WDR35: variants seen among roughly 807,000 people sequenced by gnomAD.
WDR35 encodes the protein WD repeat domain 35.
A neutral mutation model predicts 158.3 loss-of-function variants in WDR35; 118 were observed. The observed-to-expected ratio is 0.75, with a 90% CI of 0.64 to 0.87. The LOEUF is 0.87. Ranked by LOEUF, WDR35 falls within the 40% of genes least tolerant of loss-of-function variation. The pLI, the probability that WDR35 is intolerant of heterozygous loss-of-function variation, is 0.00. For synonymous variants in WDR35, 448 were observed against 476.1 expected, an observed-to-expected ratio of 0.94 and a Z score of 0.77; for missense variants, 1,263 against 1,405.8, an observed-to-expected ratio of 0.90 and a Z score of 1.62.
At chr2:19,920,644 G>T (rs879598980) in intron 25 of WDR35, among the ~76,000 whole-genome samples, 1 of 152,178 alleles carries the variant, frequency 6.6e-6, no homozygotes, top group Non-Finnish European at 1.5e-5. Context: ...GCATAACCTG[G>T]AAGCATTCCC....
Position 19,910,741 on chromosome 2 carries a change from T to C in WDR35, c.*2817A>G, listed in dbSNP as rs1669805699. ...AAGGGAGAGTTTGTTAGTGTTGTTA[T>C]CTGGAAATTTCCTTCATGTCGAATA... is the stretch of plus-strand genomic sequence containing the variant. On this transcript the variant is annotated 3_prime_UTR_variant, in exon 27 of 27. Coordinates refer to ENST00000281405, the MANE Select transcript of WDR35 (RefSeq NM_020779.4). 1 of 152,192 alleles carries C rather than the reference T, an allele frequency of 6.6e-6. No individual in the cohort carries two copies. Among genetic ancestry groups the C allele is most frequent in the Admixed American group, 6.5e-5 (1 of 15,276 alleles). The allele number at this position is 152,192 out of a possible 1,614,324, so 9.4% of individuals were successfully genotyped here.
chr2:19,914,239 C>G lies in WDR35; in HGVS notation c.3160G>C (p.Val1054Leu). The G allele has an allele frequency of 6.2e-7, 1 of 1,613,718 alleles. No individual in the cohort carries two copies. Among genetic ancestry groups the G allele is most frequent in the Non-Finnish European group, 8.5e-7 (1 of 1,179,876 alleles). Residue 1054 changes from valine (V) to leucine (L), a missense_variant, in exon 26 of 27, where the codon GTG becomes CTG. Coordinates refer to ENST00000281405, the MANE Select transcript of WDR35 (RefSeq NM_020779.4). ...AGTGCTAGCAGAGAGTAGATCTCCA[C>G]AGGAGGGATGATGTCTTCATAGTCT... Reference protein sequence around the residue: ...LKDYEDIIPPVEIYSLLALCA... With the variant: ...LKDYEDIIPPLEIYSLLALCA...
intron 2 of WDR35, among the ~76,000 whole-genome samples, chr2:19,986,350 G>A (rs1672565094): frequency 1.3e-5 from 2 of 152,136 alleles, no homozygotes; most frequent in Admixed American, 1.3e-4. Flanking sequence ...TACCACAGAT[G>A]GCATTTAAGG....
At chr2:19,954,077 T>A in intron 11 of WDR35, 99 bp from the exon 12 acceptor site, 2 of 1,331,328 alleles carry the variant, frequency 1.5e-6, no homozygotes, top group Non-Finnish European at 1.1e-6. Context: ...ACCCCTCATT[T>A]TATAGACAAT....
At chr2:19,985,899 GAAAAAAAAAAAAAAAA>G (rs70939024) in intron 2 of WDR35, among the ~76,000 whole-genome samples, 2 of 71,166 alleles carry the variant, frequency 2.8e-5, no homozygotes, top group Admixed American at 1.6e-4. Flanking sequence ...CCCATCTCGG[GAAAAAAAAAAAAAAAA>G]AAAAAAAAAA....
chr2:19,968,379 G>A (rs1345579119), intron 9 of WDR35, among the ~76,000 whole-genome samples: 5 of 152,176 alleles, frequency 3.3e-5, no homozygotes, highest in Non-Finnish European at 5.9e-5. Flanking sequence ...TCCTGGAGAA[G>A]GCAATACCTA....
At chr2:19,917,226 C>A (rs1475226441) in intron 25 of WDR35, among the ~76,000 whole-genome samples, 2 of 152,194 alleles carry the variant, frequency 1.3e-5, no homozygotes, top group Non-Finnish European at 2.9e-5. Context: ...CACTCAGAGA[C>A]CCCATCCGAA....
Position 19,988,276 on chromosome 2 carries a change from T to C in WDR35, c.142+889A>G, listed in dbSNP as rs191580202. ...ATGGAAAATCGTCAATAAGTATTTA[T>C]TATTCATACCGCATTCAAAGTTGTA... On this transcript the variant is annotated intron_variant, in intron 2 of 26. Coordinates refer to ENST00000281405, the MANE Select transcript of WDR35 (RefSeq NM_020779.4). 2.8e-3 allele frequency among the ~76,000 whole-genome samples: 429 copies of C among 152,304 alleles called. 2 individuals carry two copies. The highest frequency in any genetic ancestry group is 6.3e-3 in the Admixed American group (97 of 15,298).
At chr2:19,963,659 T>C (rs1360323390) in intron 10 of WDR35, among the ~76,000 whole-genome samples, 2 of 152,198 alleles carry the variant, frequency 1.3e-5, no homozygotes, top group African/African-American at 4.8e-5. Flanking sequence ...CTTCCTAAGA[T>C]AGGGAAGCTT....
intron 13 of WDR35, among the ~76,000 whole-genome samples, chr2:19,950,785 GTTAC>G (rs1238366260): frequency 6.6e-6 from 1 of 152,142 alleles, no homozygotes; most frequent in African/African-American, 2.4e-5. Context: ...CCCTTGCTTT[GTTAC>G]TTAATCATTT....
At chr2:19,941,690 C>A in intron 17 of WDR35, 69 bp downstream of exon 17, 1 of 1,182,634 alleles carries the variant, frequency 8.5e-7, no homozygotes, top group Non-Finnish European at 1.2e-6. Flanking sequence ...AACCAGGATA[C>A]TACACCGCCT....
chr2:19,961,689 C>T (rs543145400), intron 10 of WDR35, among the ~76,000 whole-genome samples: 29 of 152,252 alleles, frequency 1.9e-4, no homozygotes, highest in Non-Finnish European at 2.9e-4. Context: ...AAGGTCATGG[C>T]GACAGTTTTG....
At chr2:19,977,787 A>G (rs1345911395) in intron 5 of WDR35, among the ~76,000 whole-genome samples, 1 of 152,198 alleles carries the variant, frequency 6.6e-6, no homozygotes, top group Non-Finnish European at 1.5e-5. Flanking sequence ...GATTCACTGC[A>G]TACTACTCTT....
chr2:19,947,975 A>AT (rs890627198), intron 14 of WDR35, among the ~76,000 whole-genome samples, 189 bp downstream of exon 14: 73 of 147,188 alleles, frequency 5.0e-4, no homozygotes, highest in Middle Eastern at 6.9e-3. Flanking sequence ...CTTTACTGTA[A>AT]TTTTTTTTTT....
intron 18 of WDR35, 126 bp downstream of exon 18, chr2:19,938,139 C>A: frequency 1.4e-6 from 2 of 1,461,634 alleles, no homozygotes; most frequent in Non-Finnish European, 9.4e-7. Flanking sequence ...ATTTCTACAT[C>A]TTAAAAAGAA....
chr2:19,931,975 A>G (rs1670540404), intron 23 of WDR35, among the ~76,000 whole-genome samples: 1 of 152,128 alleles, frequency 6.6e-6, no homozygotes. Flanking sequence ...TTAAAACTCT[A>G]TTATCAACAA....
At chr2:19,928,649 GAAGT>G (rs1670432318) in intron 25 of WDR35, among the ~76,000 whole-genome samples, 1 of 152,082 alleles carries the variant, frequency 6.6e-6, no homozygotes, top group Admixed American at 6.5e-5. Context: ...AGAAAAATAT[GAAGT>G]AAAAGACTGA....
intron 11 of WDR35, among the ~76,000 whole-genome samples, chr2:19,958,853 G>A (rs1299841190): frequency 6.6e-6 from 1 of 152,100 alleles, no homozygotes; most frequent in Non-Finnish European, 1.5e-5. Context: ...CATGTGTAGA[G>A]TATAACAGAG....
At chr2:19,935,271 A>C (rs1006591380) in intron 21 of WDR35, 200 bp downstream of exon 21, 1 of 479,076 alleles carries the variant, frequency 2.1e-6, no homozygotes, top group Non-Finnish European at 3.5e-6. Context: ...TAAGAATGTG[A>C]CTGACTTTTC....
Sources: gnomAD v4.1 joint callset for allele counts (sites outside exome capture counted in the v4.1 genomes callset) on GRCh38, gnomAD v4.1.1 for gene constraint, MANE v1.5 for transcripts, NCBI Gene and HGNC (gene_info 2026-07-23, HGNC 2026-07-21) for gene names.